TBC1D22A: variants seen among roughly 807,000 people sequenced by gnomAD.
TBC1D22A encodes putative GTPase activator.
Under a neutral mutation model 60.2 loss-of-function variants are expected in TBC1D22A, and 38 were observed. The observed-to-expected ratio is 0.63, with a 90% confidence interval of 0.49 to 0.83. The LOEUF (loss-of-function observed/expected upper bound fraction) is 0.83. Among genes scored for constraint, TBC1D22A ranks in the 40% least tolerant of loss-of-function variants. The pLI is 0.00. For synonymous variants in TBC1D22A, 302 were observed against 281.7 expected (o/e 1.07, Z -0.72); for missense variants, 628 against 701.0 (o/e 0.90, Z 1.18).
At chr22:46,991,746 T>A (rs1445457312) in intron 9 of TBC1D22A, among the ~76,000 whole-genome samples, 1 of 152,180 alleles carries the variant, frequency 6.6e-6, no homozygotes, top group Non-Finnish European at 1.5e-5. Context: ...ATTGCCTGGG[T>A]CTCACCGCTG....
chr22:47,137,029 C>G (rs923713207), intron 12 of TBC1D22A, among the ~76,000 whole-genome samples: 2 of 152,076 alleles, frequency 1.3e-5, no homozygotes, highest in Non-Finnish European at 2.9e-5. Context: ...TCACTCGGCG[C>G]GGGCAAAGAA....
intron 9 of TBC1D22A, among the ~76,000 whole-genome samples, chr22:46,984,316 G>A (rs1039473422): frequency 1.8e-4 from 24 of 130,378 alleles, no homozygotes; most frequent in Admixed American, 1.6e-3. Flanking sequence ...GCAGTGAGCC[G>A]AGATCGAGCC....
intron 4 of TBC1D22A, among the ~76,000 whole-genome samples, chr22:46,832,077 C>T (rs558578047): frequency 2.0e-5 from 3 of 152,244 alleles, no homozygotes; most frequent in Admixed American, 1.3e-4. Context: ...GTCAACTTCT[C>T]GGCTTCATGT....
At chr22:47,164,429 G>C (rs527274826) in intron 12 of TBC1D22A, among the ~76,000 whole-genome samples, 1 of 152,248 alleles carries the variant, frequency 6.6e-6, no homozygotes, top group African/African-American at 2.4e-5. Flanking sequence ...GGGAGTGTCA[G>C]GTTGAGCTCC....
intron 12 of TBC1D22A, among the ~76,000 whole-genome samples, chr22:47,170,761 C>T (rs1601757523): frequency 7.2e-6 from 1 of 139,162 alleles, no homozygotes; most frequent in Non-Finnish European, 1.5e-5. Flanking sequence ...CCTCCTGATG[C>T]AGGACCGGAG....
intron 5 of TBC1D22A, among the ~76,000 whole-genome samples, chr22:46,879,409 TTCTTC>T (rs1286383560): frequency 6.6e-6 from 1 of 152,176 alleles, no homozygotes; most frequent in African/African-American, 2.4e-5. Context: ...ATAGACAGTT[TTCTTC>T]TCTTTTCCTT....
intron 9 of TBC1D22A, among the ~76,000 whole-genome samples, chr22:46,988,454 T>A (rs1388156132): frequency 6.6e-6 from 1 of 152,206 alleles, no homozygotes; most frequent in African/African-American, 2.4e-5. Context: ...ATTTCTCAAA[T>A]AATGACTTGA....
intron 1 of TBC1D22A, among the ~76,000 whole-genome samples, chr22:46,778,888 A>G (rs559391423): frequency 6.6e-6 from 1 of 152,298 alleles, no homozygotes; most frequent in Admixed American, 6.5e-5. Context: ...TACTAAAAGT[A>G]CAAAAATTAG....
intron 12 of TBC1D22A, among the ~76,000 whole-genome samples, chr22:47,121,031 CAG>C (rs2066253585): frequency 6.6e-6 from 1 of 152,180 alleles, no homozygotes. Context: ...CCTTAATATG[CAG>C]AGAACTCACA....
intron 9 of TBC1D22A, among the ~76,000 whole-genome samples, chr22:46,995,584 A>G (rs886770740): frequency 7.2e-5 from 11 of 152,124 alleles, no homozygotes; most frequent in African/African-American, 2.4e-4. Flanking sequence ...TTGACTTTCC[A>G]GACTTGGGAA....
At chr22:46,880,104 G>C (rs1315525623) in intron 5 of TBC1D22A, among the ~76,000 whole-genome samples, 1 of 152,192 alleles carries the variant, frequency 6.6e-6, no homozygotes, top group African/African-American at 2.4e-5. Flanking sequence ...AGTTTATTTT[G>C]CCAAGGTTGA....
intron 1 of TBC1D22A, among the ~76,000 whole-genome samples, chr22:46,780,706 C>CT (rs2083899542): frequency 6.6e-6 from 1 of 152,204 alleles, no homozygotes; most frequent in Non-Finnish European, 1.5e-5. Context: ...GAGAGGGACT[C>CT]TCGCTTGTTC....
intron 11 of TBC1D22A, among the ~76,000 whole-genome samples, chr22:47,048,642 C>G (rs997550629): frequency 1.3e-5 from 2 of 152,220 alleles, no homozygotes; most frequent in Admixed American, 1.3e-4. Context: ...GCTCCTGTCC[C>G]TCTCTCCTTT....
chr22:47,103,253 A>G lies in TBC1D22A; in HGVS notation c.1330-8255A>G, dbSNP rs544983858. Among the ~76,000 whole-genome samples, 29 of 152,280 alleles carry G rather than the reference A, an allele frequency of 1.9e-4. No homozygotes were observed. The South Asian group carries it at 5.8e-3, about 31-fold the overall frequency. The stretch of plus-strand genomic sequence containing the variant: ...GAATGAAGAAGGGGTCACAGAGGGA[A>G]AGCTGACACAGGGGACACACTGGAC... On this transcript the variant is annotated intron_variant, in intron 11 of 12. Transcript: ENST00000337137.
chr22:46,775,785 T>G (rs2083678575), intron 1 of TBC1D22A, among the ~76,000 whole-genome samples: 1 of 152,226 alleles, frequency 6.6e-6, no homozygotes, highest in Non-Finnish European at 1.5e-5. Flanking sequence ...CACTAGCTTT[T>G]AAGAGGGTGT....
At chr22:47,004,636 C>G (rs906019248) in intron 10 of TBC1D22A, among the ~76,000 whole-genome samples, 7 of 150,308 alleles carry the variant, frequency 4.7e-5, no homozygotes, top group Middle Eastern at 3.3e-3. Flanking sequence ...ACATACACAC[C>G]TCTGTATACA....
intron 9 of TBC1D22A, among the ~76,000 whole-genome samples, chr22:46,986,228 C>T (rs1265068914): frequency 6.6e-6 from 1 of 152,220 alleles, no homozygotes; most frequent in East Asian, 1.9e-4. Flanking sequence ...TGTTTCGGGA[C>T]ACACTGTTTT....
chr22:46,904,127 CTATCTATCTATCTAT>C (rs2069231993), intron 7 of TBC1D22A, among the ~76,000 whole-genome samples: 8 of 100,408 alleles, frequency 8.0e-5, no homozygotes, highest in African/African-American at 2.4e-4. Flanking sequence ...ATCTATCTAT[CTATCTATCTATCTAT>C]CTACCTACCT....
chr22:46,951,879 A>T (rs376756221), intron 8 of TBC1D22A, among the ~76,000 whole-genome samples: 1 of 152,250 alleles, frequency 6.6e-6, no homozygotes, highest in Non-Finnish European at 1.5e-5. Flanking sequence ...GAGGCTCTGC[A>T]TGAGGGGAGA....
Sources: gnomAD v4.1 joint callset for allele counts (sites outside exome capture counted in the v4.1 genomes callset) on GRCh38, gnomAD v4.1.1 for gene constraint, MANE v1.5 for transcripts, NCBI Gene and HGNC (gene_info 2026-07-23, HGNC 2026-07-21) for gene names.